The following ZNF418 variants were observed in gnomAD, a reference collection of about 807,000 sequenced individuals.
The protein encoded by ZNF418 is zinc finger protein 418.
ZNF418 carries 32 observed loss-of-function variants against 32.0 expected under a neutral mutation model. That is an observed-to-expected ratio of 1.00 (90% CI 0.75 to 1.34). ZNF418 has a LOEUF of 1.34. Among genes scored for constraint, ZNF418 ranks in the 40% most tolerant of loss-of-function variants. The probability of loss-of-function intolerance (pLI) is 0.00; values close to 1 mark genes in which losing one functional copy is unlikely to be tolerated. For missense variants in ZNF418, 804 were observed against 812.5 expected, an observed-to-expected ratio of 0.99 and a Z score of 0.13; for synonymous variants, 276 against 270.7, an observed-to-expected ratio of 1.02 and a Z score of -0.19.
chr19:57,934,157 T>A, intron 1 of ZNF418: 1 of 1,268,992 alleles, frequency 7.9e-7, no homozygotes, highest in Non-Finnish European at 1.0e-6. Context: ...TCCCAGGACA[T>A]CACAAGCTAG....
intron 1 of ZNF418, chr19:57,934,342 T>C (rs1568555229): frequency 2.7e-6 from 1 of 369,836 alleles, no homozygotes; most frequent in East Asian, 1.6e-4. Context: ...AGCCTCTGAG[T>C]AGCTGGGATT....
At chr19:57,934,947 G>A (rs964321816) in intron 1 of ZNF418, 29 of 1,282,036 alleles carry the variant, frequency 2.3e-5, no homozygotes, top group Middle Eastern at 2.2e-4. Flanking sequence ...ATCCTCCCGG[G>A]TCTGTCCTCC....
rs764193383 is a variant in ZNF418, at chr19:57,927,008, A to C, written c.1173T>G (p.Val391=). ...QKGTLTEHHR[V]HTRERPYECG... The stretch of plus-strand genomic sequence containing the variant: ...ACTCATAAGGTCGTTCTCTAGTGTG[A>C]ACTCGATGATGTTCAGTTAGGGTGC... Residue 391 remains valine, a synonymous_variant, in exon 4 of 6, where the codon GTT becomes GTG. Coordinates refer to ENST00000396147, the MANE Select transcript of ZNF418 (RefSeq NM_133460.3). 4.3e-6 allele frequency: 7 copies of C among 1,614,144 alleles called. No individual in the cohort carries two copies. In the East Asian group the frequency reaches 1.6e-4, roughly 36 times the overall value.
intron 4 of ZNF418, among the ~76,000 whole-genome samples, chr19:57,924,502 AC>A (rs2072136298): frequency 6.6e-6 from 1 of 152,212 alleles, no homozygotes; most frequent in African/African-American, 2.4e-5. Flanking sequence ...GAATTTCTGT[AC>A]CTGACAGTCC....
chr19:57,932,904 A>G (rs1484078638), intron 2 of ZNF418, among the ~76,000 whole-genome samples: 5 of 151,976 alleles, frequency 3.3e-5, no homozygotes, highest in Non-Finnish European at 7.4e-5. Flanking sequence ...TCTCTTATCT[A>G]TTCTACCCTT....
chr19:57,934,274 G>A (rs1011150319), intron 1 of ZNF418: 72 of 991,650 alleles, frequency 7.3e-5, no homozygotes, highest in African/African-American at 1.4e-4. Flanking sequence ...TGCCCAGGCC[G>A]GAGTGCAATG....
At chr19:57,924,897 T>C (rs2072150397) in intron 4 of ZNF418, among the ~76,000 whole-genome samples, 1 of 152,156 alleles carries the variant, frequency 6.6e-6, no homozygotes, top group African/African-American at 2.4e-5. Context: ...TTTGGAGGCC[T>C]TGGGCAGCCA....
In ZNF418 at chr19:57,926,367, G is replaced by A. The variant is rs371215746; in HGVS notation, c.1814C>T (p.Ala605Val). The change falls in exon 4 of 6, where the codon GCG (alanine) becomes GTG (valine). Residue 605 changes from alanine to valine, a missense_variant. Physicochemically the swap from Ala to Val is moderately conservative, Grantham distance 64. Coordinates refer to ENST00000396147, the MANE Select transcript of ZNF418 (RefSeq NM_133460.3). ...ECGKTFTRRS[A>V]HFKHQRLHTR... ...ATGAAGTCTCTGATGTTTAAAATGCGCAGACCTTCGAGTAAATGTTTTTCC... is the reference window on the plus strand; with the variant it reads ...ATGAAGTCTCTGATGTTTAAAATGCACAGACCTTCGAGTAAATGTTTTTCC... 1.0e-4 allele frequency: 168 copies of A among 1,612,550 alleles called. 2 individuals carry two copies. In the African/African-American group the frequency reaches 1.8e-3, roughly 17 times the overall value.
chr19:57,930,236 C>T (rs1313281767), intron 3 of ZNF418, among the ~76,000 whole-genome samples, 192 bp downstream of exon 3: 2 of 152,130 alleles, frequency 1.3e-5, no homozygotes, highest in African/African-American at 2.4e-5. Context: ...CAGCAAAGCA[C>T]GTATTGGGAC....
At chr19:57,923,054 C>T (rs1414002362) in intron 5 of ZNF418, 138 bp downstream of exon 5, 1 of 149,580 alleles carries the variant, frequency 6.7e-6, no homozygotes, top group African/African-American at 2.5e-5. Flanking sequence ...AATCCCAGCA[C>T]TTTGGGAGGC....
rs2072223081 is a variant in ZNF418, at chr19:57,926,368, C to T, written c.1813G>A (p.Ala605Thr). Residue 605 changes from alanine (A) to threonine (T), a missense_variant, in exon 4 of 6, where the codon GCG (alanine) becomes ACG (threonine). Transcript: ENST00000396147. ...TGAAGTCTCTGATGTTTAAAATGCG[C>T]AGACCTTCGAGTAAATGTTTTTCCA... ...ECGKTFTRRS[A>T]HFKHQRLHTR... 1 of 1,602,308 alleles carries T rather than the reference C, an allele frequency of 6.2e-7. No homozygotes were observed. Among genetic ancestry groups the T allele is most frequent in the African/African-American group, 1.3e-5 (1 of 74,580 alleles).
chr19:57,930,343 A>G (rs143008893), intron 3 of ZNF418, 85 bp downstream of exon 3: 201 of 1,597,874 alleles, frequency 1.3e-4, no homozygotes, highest in Non-Finnish European at 1.6e-4. Flanking sequence ...TGGTCCTGAC[A>G]TGATAAAAGA....
At position 57,926,411 on chromosome 19, in the gene ZNF418, A is replaced by G; in HGVS notation, c.1770T>C (p.Pro590=). The G allele has an allele frequency of 6.2e-7, 1 of 1,614,174 alleles. No homozygotes were observed. Among genetic ancestry groups the G allele is most frequent in the Non-Finnish European group, 8.5e-7 (1 of 1,180,014 alleles). ...TTTTTCCACATTCCCTGCATTCATA[A>G]GGCCTTTCTCCAGTGTGAACTCTCC... is the stretch of plus-strand genomic sequence containing the variant. ...EHRRVHTGER[P]YECRECGKTF... The change falls in exon 4 of 6, where the codon CCT becomes CCC. Residue 590 remains proline, a synonymous_variant. Transcript: ENST00000396147.
chr19:57,926,605 G>C lies in ZNF418; in HGVS notation c.1576C>G (p.Leu526Val). 1 of 1,613,644 alleles carries C rather than the reference G, an allele frequency of 6.2e-7. No individual in the cohort carries two copies. Among genetic ancestry groups the C allele is most frequent in the South Asian group, 1.1e-5 (1 of 91,052 alleles). Reference protein sequence around the residue: ...GKSFPQSCSLLRHRRVHTGER... With the variant: ...GKSFPQSCSLVRHRRVHTGER... Reference sequence around the variant, plus strand: ...CCAGTATGAACTCTCCGATGTCGAAGGAGGGAACAGCTTTGAGGAAATGAC... The same window carrying C: ...CCAGTATGAACTCTCCGATGTCGAACGAGGGAACAGCTTTGAGGAAATGAC... Residue 526 changes from leucine to valine, a missense_variant, in exon 4 of 6, where the codon CTT becomes GTT. By Grantham distance (32) the Leu-to-Val change is conservative. This residue lies in a region of ZNF418 where 475 missense variants were observed against 458.6 expected (regional missense o/e 1.04). Coordinates refer to ENST00000396147, the MANE Select transcript of ZNF418 (RefSeq NM_133460.3).
At chr19:57,924,458 AG>A (rs1232223196) in intron 4 of ZNF418, among the ~76,000 whole-genome samples, 5 of 152,204 alleles carry the variant, frequency 3.3e-5, no homozygotes, top group African/African-American at 1.2e-4. Context: ...CAATGGCCTC[AG>A]CTACACAAGA....
At position 57,926,935 on chromosome 19, in the gene ZNF418, G is replaced by A; in HGVS notation, c.1246C>T (p.His416Tyr). The A allele has an allele frequency of 4.3e-6, 7 of 1,613,994 alleles. No individual in the cohort carries two copies. Among genetic ancestry groups the A allele is most frequent in the Non-Finnish European group, 5.9e-6 (7 of 1,179,972 alleles). Residue 416 changes from histidine (H) to tyrosine (Y), a missense_variant, in exon 4 of 6, where the codon CAT becomes TAT. Transcript: ENST00000396147. ...SFSRKGHLRN[H>Y]QRGHTGERPY... ...CTTTCTCCAGTGTGACCTCGCTGATGGTTCCTAAGGTGTCCCTTTCGACTA... is the reference window on the plus strand; with the variant it reads ...CTTTCTCCAGTGTGACCTCGCTGATAGTTCCTAAGGTGTCCCTTTCGACTA...
chr19:57,928,266 G>A (rs1248535282), intron 3 of ZNF418, among the ~76,000 whole-genome samples: 2 of 152,156 alleles, frequency 1.3e-5, no homozygotes, highest in Non-Finnish European at 2.9e-5. Flanking sequence ...ATGCAACACA[G>A]AGAATTGAGC....
chr19:57,926,245 G>C lies in ZNF418; in HGVS notation c.1936C>G (p.Pro646Ala), dbSNP rs2072213597. 6.2e-7 allele frequency: 1 copy of C among 1,613,862 alleles called. No individual in the cohort carries two copies. The highest frequency in any genetic ancestry group is 2.2e-5 in the East Asian group (1 of 44,888). ...EHRRVHTGERPYECSECGKSF... is the reference protein window; with the variant it reads ...EHRRVHTGERAYECSECGKSF... ...TTTCCACATTCACTGCACTCATAAG[G>C]CCTTTCTCCAGTGTGTACTCTCCTG... is the stretch of plus-strand genomic sequence containing the variant. Residue 646 changes from proline to alanine, a missense_variant, in exon 4 of 6, where the codon CCT (proline) becomes GCT (alanine). Transcript: ENST00000396147.
intron 2 of ZNF418, among the ~76,000 whole-genome samples, 153 bp downstream of exon 2, chr19:57,933,664 T>C (rs2072570156): frequency 1.3e-5 from 2 of 151,696 alleles, no homozygotes. Flanking sequence ...GAGCTTGCAA[T>C]GAGCCAAGAT....
Sources: gnomAD v4.1 joint callset for allele counts (sites outside exome capture counted in the v4.1 genomes callset) on GRCh38, gnomAD v4.1.1 for gene constraint, gnomAD v4.1.1 regional missense constraint, MANE v1.5 for transcripts, NCBI Gene and HGNC (gene_info 2026-07-23, HGNC 2026-07-21) for gene names.